KCNQ5: variants seen among roughly 807,000 people sequenced by gnomAD.
KCNQ5 encodes the protein potassium voltage-gated channel subfamily Q member 5.
Under a neutral mutation model 98.2 loss-of-function variants are expected in KCNQ5, and 30 were observed. The observed-to-expected ratio is 0.31, with a 90% CI of 0.23 to 0.41. The LOEUF (loss-of-function observed/expected upper bound fraction) is 0.41. Among genes scored for constraint, KCNQ5 ranks in the 10% least tolerant of loss-of-function variants. The pLI, the probability that KCNQ5 is intolerant of heterozygous loss-of-function variation, is 1.00. For synonymous variants in KCNQ5, 458 were observed against 449.4 expected (o/e 1.02, Z -0.24); for missense variants, 835 against 1,182.5 (o/e 0.71, Z 4.31).
At chr6:72,923,533 C>A (rs1384718608) in intron 1 of KCNQ5, among the ~76,000 whole-genome samples, 1 of 152,076 alleles carries the variant, frequency 6.6e-6, no homozygotes, top group African/African-American at 2.4e-5. Flanking sequence ...TGTGTGTCTT[C>A]TTTTGAGAAA....
Position 73,192,709 on chromosome 6 carries a change from T to A in KCNQ5, c.1836+18T>A. 6.5e-7 allele frequency: 1 copy of A among 1,537,350 alleles called. No homozygotes were observed. Among genetic ancestry groups the A allele is most frequent in the South Asian group, 1.3e-5 (1 of 76,440 alleles). On this transcript the variant is annotated intron_variant, in intron 13 of 13. Coordinates refer to ENST00000370398, the MANE Select transcript of KCNQ5 (RefSeq NM_019842.4). ...AAAAACAGGTACAACTCAACTACGC[T>A]GGGTATCTTTTTAGCCAGAATTTTT...
chr6:73,120,661 G>A lies in KCNQ5; in HGVS notation c.1220+84G>A, dbSNP rs192967186. On this transcript the variant is annotated intron_variant, in intron 8 of 13. Coordinates refer to ENST00000370398, the MANE Select transcript of KCNQ5 (RefSeq NM_019842.4). ...ACCATACCCACACACACAAAAAAAG[G>A]TGTTAATGTTTGGCTTCTCTTATTC... 2.7e-3 allele frequency: 2,195 copies of A among 825,582 alleles called. 40 individuals are homozygous for A. In the African/African-American group the frequency reaches 0.033, roughly 12 times the overall value. The allele number at this position is 825,582 out of a possible 1,614,324, so 51.1% of individuals were successfully genotyped here. A position where few individuals can be genotyped will look rare whatever the true frequency, so the allele number is the denominator to read the frequency against.
At chr6:73,127,241 G>T (rs1247227397) in intron 9 of KCNQ5, among the ~76,000 whole-genome samples, 3 of 152,076 alleles carry the variant, frequency 2.0e-5, no homozygotes, top group South Asian at 4.2e-4. Flanking sequence ...GTTAATTAAT[G>T]CTTGACCCCA....
chr6:72,917,404 G>C (rs1030173696), intron 1 of KCNQ5, among the ~76,000 whole-genome samples: 1 of 151,892 alleles, frequency 6.6e-6, no homozygotes, highest in Non-Finnish European at 1.5e-5. Flanking sequence ...ACTTAATCTG[G>C]AACAGATTCT....
intron 1 of KCNQ5, among the ~76,000 whole-genome samples, chr6:72,719,547 A>G (rs1440636190): frequency 2.6e-5 from 4 of 152,258 alleles, no homozygotes; most frequent in Non-Finnish European, 4.4e-5. Context: ...AAGCCAAGCC[A>G]GGATTCAAAG....
intron 1 of KCNQ5, among the ~76,000 whole-genome samples, chr6:72,767,975 C>T (rs751495807): frequency 6.6e-5 from 10 of 152,026 alleles, no homozygotes; most frequent in Non-Finnish European, 1.3e-4. Flanking sequence ...TATGACCCAG[C>T]AATTCCACTA....
intron 1 of KCNQ5, among the ~76,000 whole-genome samples, chr6:72,627,048 GT>G (rs1361610546): frequency 6.6e-6 from 1 of 152,182 alleles, no homozygotes; most frequent in Non-Finnish European, 1.5e-5. Context: ...GAGATTTTAA[GT>G]GGTGGGAACA....
chr6:72,856,191 T>C (rs957630621), intron 1 of KCNQ5, among the ~76,000 whole-genome samples: 1 of 152,182 alleles, frequency 6.6e-6, no homozygotes, highest in African/African-American at 2.4e-5. Context: ...TCAACACACA[T>C]AAAACTGGTT....
chr6:73,177,949 T>C (rs936390691), intron 11 of KCNQ5, among the ~76,000 whole-genome samples: 2 of 152,228 alleles, frequency 1.3e-5, no homozygotes, highest in African/African-American at 2.4e-5. Context: ...ACTTACTTTG[T>C]AGCATGTGAG....
intron 1 of KCNQ5, among the ~76,000 whole-genome samples, chr6:72,910,327 A>G (rs1048686805): frequency 6.6e-6 from 1 of 152,202 alleles, no homozygotes; most frequent in African/African-American, 2.4e-5. Flanking sequence ...TTGAGGAAAT[A>G]AAATGATACA....
chr6:72,914,122 G>A (rs759177428), intron 1 of KCNQ5, among the ~76,000 whole-genome samples: 9 of 152,162 alleles, frequency 5.9e-5, no homozygotes, highest in Non-Finnish European at 1.2e-4. Context: ...ATACCAAGGT[G>A]ACATGCTTTG....
At chr6:72,856,604 T>C (rs931397956) in intron 1 of KCNQ5, among the ~76,000 whole-genome samples, 1 of 152,110 alleles carries the variant, frequency 6.6e-6, no homozygotes, top group African/African-American at 2.4e-5. Flanking sequence ...TGAATCCTTA[T>C]AAAAATATTA....
intron 1 of KCNQ5, among the ~76,000 whole-genome samples, chr6:72,714,872 C>A (rs545848008): frequency 6.6e-6 from 1 of 152,092 alleles, no homozygotes; most frequent in Admixed American, 6.6e-5. Flanking sequence ...TTTTTCTCAT[C>A]ATATTTAGAA....
At chr6:72,669,767 C>G (rs780083298) in intron 1 of KCNQ5, among the ~76,000 whole-genome samples, 1 of 152,176 alleles carries the variant, frequency 6.6e-6, no homozygotes, top group African/African-American at 2.4e-5. Context: ...GGCAGAGTCT[C>G]TGCTGGTGTA....
At chr6:72,884,288 A>G (rs1778766667) in intron 1 of KCNQ5, among the ~76,000 whole-genome samples, 2 of 152,212 alleles carry the variant, frequency 1.3e-5, no homozygotes, top group Non-Finnish European at 2.9e-5. Flanking sequence ...AAATCCCTGA[A>G]GCATTCATTG....
intron 5 of KCNQ5, among the ~76,000 whole-genome samples, chr6:73,099,336 T>G (rs1457854621): frequency 1.3e-5 from 2 of 152,012 alleles, no homozygotes; most frequent in African/African-American, 4.8e-5. Flanking sequence ...TATAAATGGA[T>G]TAAACTCTCC....
intron 1 of KCNQ5, among the ~76,000 whole-genome samples, chr6:72,953,531 T>C (rs903267549): frequency 6.6e-6 from 1 of 152,192 alleles, no homozygotes; most frequent in African/African-American, 2.4e-5. Context: ...CATACTAACC[T>C]GTAACCTCTG....
At chr6:73,126,251 C>A (rs965679748) in intron 9 of KCNQ5, among the ~76,000 whole-genome samples, 1 of 152,112 alleles carries the variant, frequency 6.6e-6, no homozygotes, top group Non-Finnish European at 1.5e-5. Context: ...CCTGAGAGTG[C>A]GATCACCCAT....
intron 1 of KCNQ5, among the ~76,000 whole-genome samples, chr6:72,793,909 C>A (rs1582302465): frequency 6.6e-6 from 1 of 152,206 alleles, no homozygotes; most frequent in East Asian, 1.9e-4. Flanking sequence ...GAGTGCCACA[C>A]TGGGAGCTGA....
Sources: gnomAD v4.1 joint callset for allele counts (sites outside exome capture counted in the v4.1 genomes callset) on GRCh38, gnomAD v4.1.1 for gene constraint, MANE v1.5 for transcripts, NCBI Gene and HGNC (gene_info 2026-07-23, HGNC 2026-07-21) for gene names.